KCNIP1: variants seen among roughly 807,000 people sequenced by gnomAD.
KCNIP1 encodes the protein potassium voltage-gated channel interacting protein 1.
A neutral mutation model predicts 33.0 loss-of-function variants in KCNIP1; 18 were observed. The observed-to-expected ratio is 0.55, with a 90% CI of 0.38 to 0.81. The LOEUF (loss-of-function observed/expected upper bound fraction) is 0.81. KCNIP1 is among the 30% of genes least tolerant of loss of function. The pLI is 0.00. For missense variants in KCNIP1, 238 were observed against 271.6 expected, an observed-to-expected ratio of 0.88 and a Z score of 0.87; for synonymous variants, 93 against 98.3, an observed-to-expected ratio of 0.95 and a Z score of 0.32.
rs185688675 is a variant in KCNIP1, at chr5:170,646,010, A to G, written c.62-72748A>G. Among the ~76,000 whole-genome samples, 1,013 of 152,310 alleles carry G rather than the reference A, an allele frequency of 6.7e-3. 5 individuals carry two copies. The highest frequency in any genetic ancestry group is 0.01 in the Non-Finnish European group (682 of 68,024). ...TTTGACAACTTACATGAAATGAACC[A>G]ATTCTTTAAAGTAAATAATCTGCCA... On this transcript the variant is annotated intron_variant, in intron 1 of 7. Transcript: ENST00000328939.
At chr5:170,380,241 T>G (rs1472837766) in intron 1 of KCNIP1, among the ~76,000 whole-genome samples, 1 of 152,268 alleles carries the variant, frequency 6.6e-6, no homozygotes, top group African/African-American at 2.4e-5. Context: ...ATCTCTGTTC[T>G]GAGCTGCAAG....
At chr5:170,464,596 TCAGATGCAGAGCC>T (rs1444602706) in intron 1 of KCNIP1, among the ~76,000 whole-genome samples, 2 of 152,188 alleles carry the variant, frequency 1.3e-5, no homozygotes, top group Non-Finnish European at 2.9e-5. Flanking sequence ...TCTCAGTATT[TCAGATGCAGAGCC>T]CAGGCTCAAA....
chr5:170,588,623 T>G (rs1325375203), intron 1 of KCNIP1, among the ~76,000 whole-genome samples: 2 of 152,190 alleles, frequency 1.3e-5, no homozygotes, highest in Admixed American at 6.5e-5. Flanking sequence ...ATCCTTCAGC[T>G]TCCTGAAGTG....
In KCNIP1 at chr5:170,563,368, C is replaced by T. The variant is rs1053034460; in HGVS notation, c.61+58735C>T. The stretch of plus-strand genomic sequence containing the variant: ...CTGCTATTGATGGAACTGCTGGACT[C>T]GGGCCCACAATCCTCATGCCAGTTT... On this transcript the variant is annotated intron_variant, in intron 1 of 7. Coordinates refer to ENST00000328939, the MANE Select transcript of KCNIP1 (RefSeq NM_014592.4). 2.0e-5 allele frequency among the ~76,000 whole-genome samples: 3 copies of T among 152,152 alleles called. No individual in the cohort carries two copies. The South Asian group carries it at 6.2e-4, about 32-fold the overall frequency.
At chr5:170,434,967 AG>A in intron 1 of KCNIP1, among the ~76,000 whole-genome samples, 1 of 152,288 alleles carries the variant, frequency 6.6e-6, no homozygotes, top group East Asian at 1.9e-4. Context: ...TCCATCTATC[AG>A]TAAAATACAG....
At chr5:170,641,334 C>T (rs759639849) in intron 1 of KCNIP1, among the ~76,000 whole-genome samples, 2 of 152,226 alleles carry the variant, frequency 1.3e-5, no homozygotes, top group Non-Finnish European at 2.9e-5. Context: ...TGGCTCTGCT[C>T]TGCTGGGGGA....
At chr5:170,535,710 G>T (rs1231743849) in intron 1 of KCNIP1, among the ~76,000 whole-genome samples, 6 of 152,154 alleles carry the variant, frequency 3.9e-5, no homozygotes, top group Non-Finnish European at 8.8e-5. Context: ...GCAAACACCT[G>T]CTTTGATTAT....
chr5:170,448,934 T>C (rs1326424376), intron 1 of KCNIP1, among the ~76,000 whole-genome samples: 1 of 152,234 alleles, frequency 6.6e-6, no homozygotes, highest in Non-Finnish European at 1.5e-5. Flanking sequence ...TCAGGGAGTG[T>C]AAGGGACCCG....
intron 1 of KCNIP1, among the ~76,000 whole-genome samples, chr5:170,468,514 C>T (rs965147210): frequency 6.6e-6 from 1 of 151,988 alleles, no homozygotes; most frequent in African/African-American, 2.4e-5. Flanking sequence ...AACAAAGAAA[C>T]CTTTCATCAA....
Position 170,589,782 on chromosome 5 carries a change from GATGTGATGTGGT to G in KCNIP1, c.61+85150_61+85161del, listed in dbSNP as rs758150243. ...GGTGTGGTGTGGTGTGGTGTGGTGT[GATGTGATGTGGT>G]GTGCGGTGCGGTGCGGTGCGGTGTG... On this transcript the variant is annotated intron_variant, in intron 1 of 7. Coordinates refer to ENST00000328939, the MANE Select transcript of KCNIP1 (RefSeq NM_014592.4). Among the ~76,000 whole-genome samples the G allele has an allele frequency of 9.2e-3, 1,288 of 140,468 alleles. 24 individuals carry two copies. Among genetic ancestry groups the G allele is most frequent in the African/African-American group, 0.034 (1,174 of 34,690 alleles). The allele number at this position is 140,468 out of a possible 152,430, so 92.2% of individuals were successfully genotyped here.
chr5:170,378,547 T>A, intron 1 of KCNIP1: 1 of 828,258 alleles, frequency 1.2e-6, no homozygotes, highest in Non-Finnish European at 1.9e-6. Flanking sequence ...ACAAAAGGAT[T>A]TCTCAAAGGT....
chr5:170,447,502 TAGGAACCACAC>T (rs1402430350), intron 1 of KCNIP1, among the ~76,000 whole-genome samples: 2 of 152,096 alleles, frequency 1.3e-5, no homozygotes, highest in African/African-American at 4.8e-5. Context: ...CTTGAAGAAT[TAGGAACCACAC>T]AGGACCCCGT....
intron 1 of KCNIP1, among the ~76,000 whole-genome samples, chr5:170,535,874 C>T (rs1230835069): frequency 6.6e-6 from 1 of 152,174 alleles, no homozygotes; most frequent in Non-Finnish European, 1.5e-5. Flanking sequence ...GTGAACTGCC[C>T]TCCGCCTGTC....
chr5:170,397,545 T>C (rs568878887), intron 1 of KCNIP1, among the ~76,000 whole-genome samples: 6 of 152,256 alleles, frequency 3.9e-5, no homozygotes, highest in East Asian at 3.9e-4. Flanking sequence ...GGTATGTAGG[T>C]AGGGACTCTA....
intron 1 of KCNIP1, among the ~76,000 whole-genome samples, chr5:170,459,421 A>C (rs1384782406): frequency 6.6e-6 from 1 of 152,240 alleles, no homozygotes; most frequent in Non-Finnish European, 1.5e-5. Flanking sequence ...AACTTTCTCC[A>C]AGATAGACCA....
At chr5:170,555,909 A>G (rs1199356431) in intron 1 of KCNIP1, among the ~76,000 whole-genome samples, 1 of 152,206 alleles carries the variant, frequency 6.6e-6, no homozygotes, top group East Asian at 1.9e-4. Flanking sequence ...ATTGCCAAGG[A>G]AAGCGAATGC....
intron 1 of KCNIP1, among the ~76,000 whole-genome samples, chr5:170,618,077 GAGATGGGA>G: frequency 6.6e-6 from 1 of 152,186 alleles, no homozygotes; most frequent in Non-Finnish European, 1.5e-5. Flanking sequence ...CCGACCACTG[GAGATGGGA>G]GCATTTCTGC....
chr5:170,395,126 G>T (rs969452868), intron 1 of KCNIP1, among the ~76,000 whole-genome samples: 4 of 152,242 alleles, frequency 2.6e-5, no homozygotes, highest in Non-Finnish European at 5.9e-5. Context: ...CAGTGGGATT[G>T]CTGGGTCAAA....
chr5:170,355,980 C>T (rs2113277725), intron 1 of KCNIP1, among the ~76,000 whole-genome samples: 1 of 152,348 alleles, frequency 6.6e-6, no homozygotes, highest in Admixed American at 6.5e-5. Flanking sequence ...CGGCTCTGCG[C>T]CAGGCACGTG....
Sources: gnomAD v4.1 joint callset for allele counts (sites outside exome capture counted in the v4.1 genomes callset) on GRCh38, gnomAD v4.1.1 for gene constraint, MANE v1.5 for transcripts, NCBI Gene and HGNC (gene_info 2026-07-23, HGNC 2026-07-21) for gene names.